Variants in TATDN2 observed in about 807,000 individuals in gnomAD.
TATDN2 encodes TatD DNase domain containing 2.
A neutral mutation model predicts 60.3 loss-of-function variants in TATDN2; 44 were observed. That is an observed-to-expected ratio of 0.73 (90% CI 0.57 to 0.94). The LOEUF (loss-of-function observed/expected upper bound fraction) is 0.94. Ranked by LOEUF, TATDN2 falls within the 40% of genes least tolerant of loss-of-function variation. The pLI, the probability that TATDN2 is intolerant of heterozygous loss-of-function variation, is 0.00. For missense variants in TATDN2, 997 were observed against 948.0 expected (o/e 1.05, Z -0.68); for synonymous variants, 399 against 355.8 (o/e 1.12, Z -1.37).
At chr3:10,258,546 C>G (rs1354871309) in intron 2 of TATDN2, among the ~76,000 whole-genome samples, 1 of 151,870 alleles carries the variant, frequency 6.6e-6, no homozygotes, top group Admixed American at 6.6e-5. Flanking sequence ...TCTTGCCTCA[C>G]TGCAACCTCT....
At chr3:10,266,200 CTA>C (rs1698473231) in intron 3 of TATDN2, among the ~76,000 whole-genome samples, 1 of 152,142 alleles carries the variant, frequency 6.6e-6, no homozygotes, top group Admixed American at 6.6e-5. Context: ...AGGACAAAAA[CTA>C]TATGCTATAT....
chr3:10,264,652 T>G (rs1040502301), intron 3 of TATDN2, among the ~76,000 whole-genome samples: 1 of 152,034 alleles, frequency 6.6e-6, no homozygotes, highest in South Asian at 2.1e-4. Flanking sequence ...TTTTAAAAAA[T>G]TTTTCTGGAT....
chr3:10,254,940 C>T (rs1313850682), intron 2 of TATDN2, among the ~76,000 whole-genome samples: 2 of 152,088 alleles, frequency 1.3e-5, no homozygotes, highest in Admixed American at 1.3e-4. Context: ...ATCTTAGGTC[C>T]TCCAGCCTAG....
At chr3:10,257,486 A>T (rs900910132) in intron 2 of TATDN2, among the ~76,000 whole-genome samples, 3 of 149,410 alleles carry the variant, frequency 2.0e-5, no homozygotes, top group Non-Finnish European at 4.4e-5. Context: ...AAAATTAGCC[A>T]GGTGTGATTG....
At chr3:10,263,202 A>G (rs1205987816) in intron 3 of TATDN2, among the ~76,000 whole-genome samples, 2 of 134,664 alleles carry the variant, frequency 1.5e-5, no homozygotes, top group East Asian at 4.4e-4. Context: ...CCCAACCTGT[A>G]TTTTTTTTTT....
At chr3:10,279,153 G>A (rs1005240498) in intron 7 of TATDN2, 68 bp from the exon 8 acceptor site, 1 of 1,263,166 alleles carries the variant, frequency 7.9e-7, no homozygotes, top group East Asian at 2.5e-5. Context: ...CATAGTATGA[G>A]CATTAAGCCT....
Position 10,260,651 on chromosome 3 carries a change from C to G in TATDN2, c.929C>G (p.Ser310Cys). The change falls in exon 3 of 8, where the codon TCT becomes TGT. Residue 310 changes from serine (S) to cysteine (C), a missense_variant. Transcript: ENST00000448281. ...PPLEFLDDSDSHLEIQKHKDR... is the reference protein window; with the variant it reads ...PPLEFLDDSDCHLEIQKHKDR... ...CTAGAGTTCTTGGATGACTCTGACT[C>G]TCATTTAGAAATCCAAAAGGTGAGT... 1.9e-6 allele frequency: 3 copies of G among 1,613,014 alleles called. No homozygotes were observed. The highest frequency in any genetic ancestry group is 2.2e-5 in the East Asian group (1 of 44,878).
At chr3:10,265,779 T>C (rs1698468523) in intron 3 of TATDN2, among the ~76,000 whole-genome samples, 1 of 150,476 alleles carries the variant, frequency 6.6e-6, no homozygotes, top group Non-Finnish European at 1.5e-5. Context: ...GTGGTCCCCT[T>C]GGTTTAACTT....
At position 10,270,547 on chromosome 3, in the gene TATDN2, A is replaced by C. The variant is rs756974450; in HGVS notation, c.1365A>C (p.Glu455Asp). Reference sequence around the variant, plus strand: ...CATTTCGCTTCTCCAGAAGCTCAGAAGAAAGAGAGGTGAAGGAGAAAAGAA... The same window carrying C: ...CATTTCGCTTCTCCAGAAGCTCAGACGAAAGAGAGGTGAAGGAGAAAAGAA... Reference protein sequence around the residue: ...SRSFRFSRSSEEREVKEKRTF... With the variant: ...SRSFRFSRSSDEREVKEKRTF... The change falls in exon 4 of 8, where the codon GAA becomes GAC. Residue 455 changes from glutamate to aspartate, a missense_variant. Physicochemically the swap from Glu to Asp is conservative, Grantham distance 45 (BLOSUM62 2). Coordinates refer to ENST00000448281, the MANE Select transcript of TATDN2 (RefSeq NM_014760.4). 6.2e-7 allele frequency: 1 copy of C among 1,614,232 alleles called. No individual in the cohort carries two copies. Among genetic ancestry groups the C allele is most frequent in the Non-Finnish European group, 8.5e-7 (1 of 1,180,032 alleles).
chr3:10,250,640 A>T (rs1032194529), intron 2 of TATDN2, among the ~76,000 whole-genome samples: 4 of 152,102 alleles, frequency 2.6e-5, no homozygotes, highest in Non-Finnish European at 5.9e-5. Context: ...TGTCTTGGGG[A>T]CTCATAGGCT....
rs1292280871 is a variant in TATDN2, at chr3:10,270,746, T to A, written c.1564T>A (p.Tyr522Asn). The A allele has an allele frequency of 1.9e-6, 3 of 1,614,052 alleles. No individual in the cohort carries two copies. In the African/African-American group the frequency reaches 4.0e-5, roughly 22 times the overall value. ...GACCTTTACAAAGTTCAGAAAAATT[T>A]ACAGCAGCTCCTTCCCTAAGGAATT... is the stretch of plus-strand genomic sequence containing the variant. ...QGTFTKFRKIYSSSFPKEFQG... is the reference protein window; with the variant it reads ...QGTFTKFRKINSSSFPKEFQG... The change falls in exon 4 of 8, where the codon TAC (tyrosine) becomes AAC (asparagine). Residue 522 changes from tyrosine to asparagine, a missense_variant. Transcript: ENST00000448281.
Position 10,279,008 on chromosome 3 carries a change from C to T in TATDN2, c.2269C>T (p.Arg757Cys), listed in dbSNP as rs761917837. ...GGCTGCCTTGCGTGAGAACACCAGT[C>T]GCCTCTACAGTCTTTAAGCAGAGAA... ...TLAALRENTSRLYSL is the reference protein window; with the variant it reads ...TLAALRENTSCLYSL Residue 757 changes from arginine (R) to cysteine (C), a missense_variant, in exon 7 of 8, where the codon CGC (arginine) becomes TGC (cysteine). Coordinates refer to ENST00000448281, the MANE Select transcript of TATDN2 (RefSeq NM_014760.4). 176 of 1,614,108 alleles carry T rather than the reference C, an allele frequency of 1.1e-4. No homozygotes were observed. The highest frequency in any genetic ancestry group is 1.3e-4 in the Non-Finnish European group (159 of 1,180,052).
Position 10,270,197 on chromosome 3 carries a change from A to C in TATDN2, c.1015A>C (p.Ile339Leu). The change falls in exon 4 of 8, where the codon ATC (isoleucine) becomes CTC (leucine). Residue 339 changes from isoleucine to leucine, a missense_variant. Physicochemically the swap from Ile to Leu is conservative, Grantham distance 5. Coordinates refer to ENST00000448281, the MANE Select transcript of TATDN2 (RefSeq NM_014760.4). ...AAGTGACTGGTCTGATGTTGAGGAG[A>C]TCTCCACAGTCAGATTCTCTCAGGA... Reference protein sequence around the residue: ...SGSDWSDVEEISTVRFSQEEP... With the variant: ...SGSDWSDVEELSTVRFSQEEP... The C allele has an allele frequency of 6.2e-7, 1 of 1,614,112 alleles. No individual in the cohort carries two copies. The highest frequency in any genetic ancestry group is 8.5e-7 in the Non-Finnish European group (1 of 1,180,020).
At chr3:10,254,199 G>A (rs2241308) in intron 2 of TATDN2, among the ~76,000 whole-genome samples, 42,454 of 152,132 alleles carry the variant, frequency 0.28, 7,185 homozygotes, top group East Asian at 0.67. Context: ...CACAGACTGA[G>A]AAGTCACTCA....
chr3:10,253,900 C>A (rs1213209699), intron 2 of TATDN2, among the ~76,000 whole-genome samples: 2 of 152,200 alleles, frequency 1.3e-5, no homozygotes, highest in African/African-American at 4.8e-5. Flanking sequence ...CAGATTAGTC[C>A]AACTTCAAAG....
Position 10,280,102 on chromosome 3 carries a change from C to T in TATDN2, c.*920C>T, listed in dbSNP as rs1441184155. ...TGACCAAAAATAATCCTCATTTCAT[C>T]TTGTGTACAGTCCTTTGTGTACCCC... is the stretch of plus-strand genomic sequence containing the variant. On this transcript the variant is annotated 3_prime_UTR_variant, in exon 8 of 8. Transcript: ENST00000448281. 1 of 153,794 alleles carries T rather than the reference C, an allele frequency of 6.5e-6. No individual in the cohort carries two copies. Among genetic ancestry groups the T allele is most frequent in the African/African-American group, 2.4e-5 (1 of 41,464 alleles). 9.5% of individuals were successfully genotyped at this position (153,794 alleles called of 1,614,324 possible).
At chr3:10,252,088 C>G (rs1408198308) in intron 2 of TATDN2, among the ~76,000 whole-genome samples, 1 of 139,390 alleles carries the variant, frequency 7.2e-6, no homozygotes, top group Non-Finnish European at 1.5e-5. Context: ...GCAGAGCTTG[C>G]AGTGAACCGA....
rs1277828634 is a variant in TATDN2 at position 10,280,486 on chromosome 3, C to G, written c.*1304C>G. On this transcript the variant is annotated 3_prime_UTR_variant, in exon 8 of 8. Transcript: ENST00000448281. ...GTTTCAAAGGATCCTTCACCCTGATCTGCAGTGAGGTGGATAGATCACCTG... is the reference window on the plus strand; with the variant it reads ...GTTTCAAAGGATCCTTCACCCTGATGTGCAGTGAGGTGGATAGATCACCTG... 6.5e-6 allele frequency: 1 copy of G among 153,792 alleles called. No individual in the cohort carries two copies. The highest frequency in any genetic ancestry group is 6.5e-5 in the Admixed American group (1 of 15,282). 9.5% of individuals were successfully genotyped at this position (153,792 alleles called of 1,614,324 possible).
At chr3:10,262,655 C>T (rs985337891) in intron 3 of TATDN2, among the ~76,000 whole-genome samples, 1 of 149,760 alleles carries the variant, frequency 6.7e-6, no homozygotes, top group Non-Finnish European at 1.5e-5. Flanking sequence ...CCTGTCTCAG[C>T]CTCCCGAGTA....
Sources: gnomAD v4.1 joint callset for allele counts (sites outside exome capture counted in the v4.1 genomes callset) on GRCh38, gnomAD v4.1.1 for gene constraint, MANE v1.5 for transcripts, NCBI Gene and HGNC (gene_info 2026-07-23, HGNC 2026-07-21) for gene names.